The following TLN2 variants were observed in gnomAD, a reference collection of about 807,000 sequenced individuals.
TLN2 encodes the protein talin-2.
TLN2 carries 118 observed loss-of-function variants against 294.7 expected under a neutral mutation model. That is an observed-to-expected ratio of 0.40 (90% CI 0.34 to 0.47). The LOEUF is 0.47. TLN2 is among the 20% of genes least tolerant of loss of function. TLN2 has a pLI of 0.84. For synonymous variants in TLN2, 1,431 were observed against 1,304.5 expected (o/e 1.10, Z -2.09); for missense variants, 3,083 against 3,282.2 (o/e 0.94, Z 1.48).
At chr15:62,798,154 T>A (rs921722818) in intron 48 of TLN2, among the ~76,000 whole-genome samples, 2 of 151,936 alleles carry the variant, frequency 1.3e-5, no homozygotes, top group Non-Finnish European at 2.9e-5. Flanking sequence ...GCTGCTTGTG[T>A]GGAGTGGTGG....
At chr15:62,663,090 C>T (rs1596554392) in intron 9 of TLN2, among the ~76,000 whole-genome samples, 1 of 152,220 alleles carries the variant, frequency 6.6e-6, no homozygotes, top group South Asian at 2.1e-4. Context: ...GCTGGGATTA[C>T]AGGCTTGAGC....
chr15:62,658,856 G>A (rs2140963824), intron 9 of TLN2, among the ~76,000 whole-genome samples: 1 of 152,236 alleles, frequency 6.6e-6, no homozygotes, highest in East Asian at 1.9e-4. Context: ...TACAACTGAT[G>A]TCATCAGCCT....
At chr15:62,514,893 T>C (rs1233602963) in intron 1 of TLN2, among the ~76,000 whole-genome samples, 1 of 152,042 alleles carries the variant, frequency 6.6e-6, no homozygotes, top group African/African-American at 2.4e-5. Flanking sequence ...AGAGTAAATA[T>C]GCAAAATGCC....
At chr15:62,646,979 A>AG (rs1470156050) in intron 3 of TLN2, among the ~76,000 whole-genome samples, 7 of 152,182 alleles carry the variant, frequency 4.6e-5, no homozygotes, top group Admixed American at 2.6e-4. Context: ...AACCCCAAGG[A>AG]GGGGGACTAC....
At chr15:62,808,721 C>T (rs1485053480) in intron 51 of TLN2, among the ~76,000 whole-genome samples, 6 of 152,134 alleles carry the variant, frequency 3.9e-5, no homozygotes, top group Non-Finnish European at 5.9e-5. Context: ...TGTGCCTCAC[C>T]GTTCGAGGCA....
At chr15:62,600,972 G>A (rs1019949266) in intron 2 of TLN2, among the ~76,000 whole-genome samples, 24 of 151,812 alleles carry the variant, frequency 1.6e-4, no homozygotes, top group African/African-American at 5.6e-4. Context: ...TATTTTTTAC[G>A]TTTCCTTAAA....
At chr15:62,712,473 G>T (rs762725528) in intron 22 of TLN2, among the ~76,000 whole-genome samples, 1 of 152,148 alleles carries the variant, frequency 6.6e-6, no homozygotes, top group Non-Finnish European at 1.5e-5. Flanking sequence ...CTATTATCAA[G>T]ATTTTGCACA....
chr15:62,647,402 GTCGAGTCATTCGGGA>G lies in TLN2; in HGVS notation c.93_107del (p.Cys31_Glu36delinsTer). The G allele has an allele frequency of 6.2e-7, 1 of 1,614,242 alleles. No homozygotes were observed. The highest frequency in any genetic ancestry group is 1.1e-5 in the South Asian group (1 of 91,088). On this transcript the variant is annotated stop_gained and inframe_deletion, in exon 4 of 59. Transcript: ENST00000636159. LOFTEE classifies it high-confidence loss of function. ...CCATCTACAGCTGTGTACGATGCGT[GTCGAGTCATTCGGGA>G]ACGGGTGCCTGAGGCACAAACTGGG...
intron 1 of TLN2, among the ~76,000 whole-genome samples, chr15:62,484,070 G>T (rs1271533760): frequency 6.6e-6 from 1 of 152,198 alleles, no homozygotes; most frequent in African/African-American, 2.4e-5. Context: ...AGCTGCTGCT[G>T]CTGCTTGGGC....
rs138808646 is a variant in TLN2, at chr15:62,741,639, G to T, written c.4025+870G>T. On this transcript the variant is annotated intron_variant, in intron 32 of 58. Transcript: ENST00000636159. ...AGAGATTAAAAGCAGGACTATTAGG[G>T]GATAGAGAGTAATTGGAGGCCTTTT... 5.9e-5 allele frequency among the ~76,000 whole-genome samples: 9 copies of T among 151,576 alleles called. No individual in the cohort carries two copies. The East Asian group carries it at 1.6e-3, about 26-fold the overall frequency.
chr15:62,515,688 A>C (rs1318937679), intron 1 of TLN2, among the ~76,000 whole-genome samples: 1 of 152,168 alleles, frequency 6.6e-6, no homozygotes, highest in African/African-American at 2.4e-5. Flanking sequence ...TCTTCATTTT[A>C]AGTGCCTTCT....
intron 23 of TLN2, 62 bp downstream of exon 23, chr15:62,716,521 G>T (rs2059781905): frequency 6.5e-7 from 1 of 1,531,752 alleles, no homozygotes; most frequent in African/African-American, 1.4e-5. Context: ...TATTTGAAAA[G>T]ATAGTTGAAT....
intron 11 of TLN2, among the ~76,000 whole-genome samples, chr15:62,686,197 T>G (rs2057273667): frequency 6.6e-6 from 1 of 152,220 alleles, no homozygotes; most frequent in Non-Finnish European, 1.5e-5. Flanking sequence ...GGCAGGAAGC[T>G]GTGTCTCCTC....
chr15:62,506,086 A>G (rs1251303893), intron 1 of TLN2, among the ~76,000 whole-genome samples: 1 of 152,208 alleles, frequency 6.6e-6, no homozygotes, highest in East Asian at 1.9e-4. Context: ...GCCCGAATGG[A>G]GCCTATATTC....
At position 62,761,795 on chromosome 15, in the gene TLN2, A is replaced by G; in HGVS notation, c.4753A>G (p.Ser1585Gly). 1.2e-6 allele frequency: 2 copies of G among 1,614,166 alleles called. No homozygotes were observed. The highest frequency in any genetic ancestry group is 1.3e-5 in the African/African-American group (1 of 75,030). ...GTTCGCCTCAAACCCTGAGTTTGTC[A>G]GCATTCCTGCCCAGATCAGCTCCGA... ...TAFASNPEFV[S>G]IPAQISSEGS... is the part of the protein sequence containing the mutation. Residue 1585 changes from serine to glycine, a missense_variant, in exon 38 of 59, where the codon AGC (serine) becomes GGC (glycine). Physicochemically the swap from Ser to Gly is moderately conservative, Grantham distance 56. Transcript: ENST00000636159.
intron 1 of TLN2, among the ~76,000 whole-genome samples, chr15:62,504,767 T>C (rs1304730020): frequency 6.6e-6 from 1 of 151,058 alleles, no homozygotes; most frequent in Non-Finnish European, 1.5e-5. Context: ...GCCAGAGTGC[T>C]AAGTGCTGAG....
chr15:62,697,628 T>G (rs768053066), intron 14 of TLN2, 60 bp from the exon 15 acceptor site: 80 of 1,522,462 alleles, frequency 5.3e-5, no homozygotes, highest in Non-Finnish European at 7.0e-5. Flanking sequence ...CTGTGGGGTC[T>G]CCTCATTGCA....
chr15:62,494,299 C>T (rs1176967170), intron 1 of TLN2, among the ~76,000 whole-genome samples: 2 of 151,706 alleles, frequency 1.3e-5, no homozygotes, highest in Non-Finnish European at 2.9e-5. Context: ...ATGGCTGGAC[C>T]TCAGCTGGCA....
intron 2 of TLN2, among the ~76,000 whole-genome samples, chr15:62,604,081 A>G (rs1596315380): frequency 6.6e-6 from 1 of 152,210 alleles, no homozygotes; most frequent in East Asian, 1.9e-4. Context: ...ATGTATCATG[A>G]AATATAATTC....
Sources: allele counts gnomAD v4.1 joint callset (sites outside exome capture counted in the v4.1 genomes callset), GRCh38; gene constraint gnomAD v4.1.1; transcripts MANE v1.5; gene names NCBI Gene and HGNC (gene_info 2026-07-23, HGNC 2026-07-21).